PEX7: variants seen among roughly 807,000 people sequenced by gnomAD.
The protein encoded by PEX7 is peroxisomal biogenesis factor 7, also known as PTS2 receptor.
Under a neutral mutation model 47.5 loss-of-function variants are expected in PEX7, and 34 were observed. The observed-to-expected ratio is 0.72, with a 90% CI of 0.54 to 0.95. PEX7 has a LOEUF of 0.95. Among genes scored for constraint, PEX7 ranks in the 40% least tolerant of loss-of-function variants. The probability of loss-of-function intolerance (pLI) is 0.00; values close to 1 mark genes in which losing one functional copy is unlikely to be tolerated. For missense variants in PEX7, 394 were observed against 400.3 expected, an observed-to-expected ratio of 0.98 and a Z score of 0.13; for synonymous variants, 141 against 148.8, an observed-to-expected ratio of 0.95 and a Z score of 0.38.
chr6:136,829,607 A>G (rs1774258036), intron 3 of PEX7, among the ~76,000 whole-genome samples: 1 of 152,220 alleles, frequency 6.6e-6, no homozygotes, highest in South Asian at 2.1e-4. Flanking sequence ...AGCTCAAATG[A>G]GAGTTTTAAG....
intron 2 of PEX7, among the ~76,000 whole-genome samples, 176 bp from the exon 3 acceptor site, chr6:136,826,143 A>G (rs1271670585): frequency 2.6e-5 from 4 of 152,126 alleles, no homozygotes; most frequent in African/African-American, 4.8e-5. Context: ...ATCTGTTGCC[A>G]TATTTGTCAA....
chr6:136,839,295 A>T (rs932773501), intron 3 of PEX7, among the ~76,000 whole-genome samples: 5 of 152,238 alleles, frequency 3.3e-5, no homozygotes, highest in African/African-American at 1.2e-4. Flanking sequence ...ATTCATACAG[A>T]TAATAATAAA....
chr6:136,837,720 A>G (rs943839130), intron 3 of PEX7, among the ~76,000 whole-genome samples: 4 of 152,088 alleles, frequency 2.6e-5, no homozygotes, highest in Non-Finnish European at 5.9e-5. Context: ...AGACATATCA[A>G]AGGTTTAGAA....
intron 5 of PEX7, among the ~76,000 whole-genome samples, chr6:136,862,367 T>C (rs1706197756): frequency 6.6e-6 from 1 of 151,632 alleles, no homozygotes; most frequent in Non-Finnish European, 1.5e-5. Context: ...CATGAGCCAC[T>C]GTGCCTGGCC....
In PEX7 at chr6:136,843,994, A is replaced by G. The variant is rs76719838; in HGVS notation, c.340-1621A>G. Among the ~76,000 whole-genome samples, 268 of 152,338 alleles carry G rather than the reference A, an allele frequency of 1.8e-3. 8 individuals carry two copies. The East Asian group carries it at 0.045, about 26-fold the overall frequency. On this transcript the variant is annotated intron_variant, in intron 3 of 9. Coordinates refer to ENST00000318471, the MANE Select transcript of PEX7 (RefSeq NM_000288.4). ...ATGCAAAAAACCCATTATGAACAAA[A>G]TATCGATATTTTACTTTTTTTGAAG... is the stretch of plus-strand genomic sequence containing the variant.
At chr6:136,874,414 G>A (rs1032905421) in intron 8 of PEX7, among the ~76,000 whole-genome samples, 1 of 152,196 alleles carries the variant, frequency 6.6e-6, no homozygotes, top group African/African-American at 2.4e-5. Flanking sequence ...GCTCATGCCT[G>A]TATTCCCAGC....
intron 8 of PEX7, among the ~76,000 whole-genome samples, chr6:136,881,313 C>T (rs767954414): frequency 3.9e-5 from 6 of 152,120 alleles, no homozygotes; most frequent in East Asian, 1.9e-4. Context: ...TCAGATCCAC[C>T]AGATAGGTTA....
intron 1 of PEX7, among the ~76,000 whole-genome samples, chr6:136,823,710 G>A (rs559843323): frequency 3.1e-4 from 47 of 152,186 alleles, no homozygotes; most frequent in Non-Finnish European, 6.0e-4. Context: ...GACCAACATG[G>A]AGAAACCCCA....
chr6:136,879,111 G>T (rs1232313091), intron 8 of PEX7, among the ~76,000 whole-genome samples: 2 of 149,986 alleles, frequency 1.3e-5, no homozygotes, highest in East Asian at 2.0e-4. Flanking sequence ...TTTCATTTAT[G>T]CTTTGTTAGA....
chr6:136,870,550 A>G (rs1209282336), intron 7 of PEX7, among the ~76,000 whole-genome samples: 1 of 152,170 alleles, frequency 6.6e-6, no homozygotes, highest in Non-Finnish European at 1.5e-5. Flanking sequence ...CCTGGCTTTT[A>G]TATTTAGGCA....
intron 1 of PEX7, among the ~76,000 whole-genome samples, chr6:136,823,607 C>T (rs1295021395): frequency 6.6e-6 from 1 of 151,862 alleles, no homozygotes; most frequent in Non-Finnish European, 1.5e-5. Context: ...GAAAAAAGGC[C>T]AAGCGCCGTG....
At chr6:136,842,729 A>C (rs905680541) in intron 3 of PEX7, among the ~76,000 whole-genome samples, 11 of 152,212 alleles carry the variant, frequency 7.2e-5, no homozygotes, top group African/African-American at 2.7e-4. Context: ...GCTCATTAGG[A>C]GTCTCCAAAA....
Position 136,825,322 on chromosome 6 carries a change from A to AT in PEX7, c.188+51_188+52insT, listed in dbSNP as rs1431253999. The AT allele has an allele frequency of 2.8e-6, 4 of 1,418,444 alleles. No homozygotes were observed. In the South Asian group the frequency reaches 4.6e-5, roughly 16 times the overall value. 87.9% of individuals were successfully genotyped at this position (1,418,444 alleles called of 1,614,324 possible). ...TATATATTGTTGCTATTAAAGCCTTAATAGAATTAGGTTTTGACTCTTTGA... is the reference window on the plus strand; with the variant it reads ...TATATATTGTTGCTATTAAAGCCTTATATAGAATTAGGTTTTGACTCTTTGA... On this transcript the variant is annotated intron_variant, in intron 2 of 9. Transcript: ENST00000318471.
chr6:136,907,649 G>A (rs767116295), intron 9 of PEX7, among the ~76,000 whole-genome samples: 7 of 152,016 alleles, frequency 4.6e-5, no homozygotes, highest in Non-Finnish European at 1.0e-4. Context: ...ATGATAAATA[G>A]GAAATGGAAA....
chr6:136,860,219 A>G (rs1415138010), intron 5 of PEX7, among the ~76,000 whole-genome samples: 3 of 152,076 alleles, frequency 2.0e-5, no homozygotes, highest in Non-Finnish European at 4.4e-5. Context: ...AAAGAGCTGA[A>G]TGAGTCATTG....
At chr6:136,855,677 T>G (rs1172292587) in intron 5 of PEX7, 1 of 310,094 alleles carries the variant, frequency 3.2e-6, no homozygotes, top group East Asian at 1.1e-4. Context: ...TTGGGCATTT[T>G]TGTTTGTTTG....
intron 8 of PEX7, 56 bp from the exon 9 acceptor site, chr6:136,898,086 A>C (rs1562756747): frequency 9.7e-7 from 1 of 1,028,078 alleles, no homozygotes; most frequent in Non-Finnish European, 1.5e-6. Context: ...TTTTCTTAAT[A>C]TAAGTTTTTT....
chr6:136,904,961 A>G (rs867035194), intron 9 of PEX7, among the ~76,000 whole-genome samples: 1 of 152,088 alleles, frequency 6.6e-6, no homozygotes, highest in African/African-American at 2.4e-5. Context: ...CACACTTCAG[A>G]TTACTTTTTA....
chr6:136,900,564 T>C lies in PEX7; in HGVS notation c.903+2323T>C. On this transcript the variant is annotated intron_variant, in intron 9 of 9. Coordinates refer to ENST00000318471, the MANE Select transcript of PEX7 (RefSeq NM_000288.4). The surrounding 1 kb of genome is among the most constrained non-coding windows in gnomAD (Gnocchi z 4.2). ...CCCTTTTGTCTTCCGAGTTAATCTGTGTGAAGGTGATGGTGGTGTGGGTCA... is the reference window on the plus strand; with the variant it reads ...CCCTTTTGTCTTCCGAGTTAATCTGCGTGAAGGTGATGGTGGTGTGGGTCA... 1 of 422,970 alleles carries C rather than the reference T, an allele frequency of 2.4e-6. No individual in the cohort carries two copies. Among genetic ancestry groups the C allele is most frequent in the South Asian group, 1.8e-5 (1 of 56,202 alleles). The allele number at this position is 422,970 out of a possible 1,614,324, so 26.2% of individuals were successfully genotyped here. A position where few individuals can be genotyped will look rare whatever the true frequency, so the allele number is the denominator to read the frequency against.
Sources: gnomAD v4.1 joint callset for allele counts (sites outside exome capture counted in the v4.1 genomes callset) on GRCh38, gnomAD v4.1.1 for gene constraint, Gnocchi (gnomAD v3.1) non-coding constraint, MANE v1.5 for transcripts, NCBI Gene and HGNC (gene_info 2026-07-23, HGNC 2026-07-21) for gene names.